The following MIPOL1 variants were observed in gnomAD, a reference collection of about 807,000 sequenced individuals.
The protein encoded by MIPOL1 is mirror-image polydactyly gene 1 protein.
MIPOL1 carries 57 observed loss-of-function variants against 60.9 expected under a neutral mutation model. That is an observed-to-expected ratio of 0.94 (90% CI 0.76 to 1.17). The LOEUF is 1.17. Ranked by LOEUF, MIPOL1 falls within the 50% of genes most tolerant of loss-of-function variation. MIPOL1 has a pLI of 0.00. For missense variants in MIPOL1, 551 were observed against 511.6 expected (o/e 1.08, Z -0.74); for synonymous variants, 179 against 168.8 (o/e 1.06, Z -0.47).
intron 10 of MIPOL1, among the ~76,000 whole-genome samples, chr14:37,378,369 T>A (rs2092833239): frequency 6.6e-6 from 1 of 152,040 alleles, no homozygotes. Flanking sequence ...GATACACCCA[T>A]GACTCAGATG....
chr14:37,434,255 G>A (rs2094126327), intron 11 of MIPOL1, among the ~76,000 whole-genome samples: 1 of 152,088 alleles, frequency 6.6e-6, no homozygotes, highest in South Asian at 2.1e-4. Flanking sequence ...TCTGACTGTG[G>A]TTTTGATTTG....
intron 9 of MIPOL1, among the ~76,000 whole-genome samples, chr14:37,326,119 A>T (rs1411593251): frequency 6.6e-6 from 1 of 152,168 alleles, no homozygotes; most frequent in Non-Finnish European, 1.5e-5. Context: ...ATAAAAAAAC[A>T]TTGTATAATA....
chr14:37,486,884 G>A (rs1022604228), intron 11 of MIPOL1, among the ~76,000 whole-genome samples: 2 of 152,040 alleles, frequency 1.3e-5, no homozygotes, highest in African/African-American at 4.8e-5. Context: ...AATGGGAGTG[G>A]GTATGAGAGG....
chr14:37,426,842 T>C (rs1391335912), intron 11 of MIPOL1, among the ~76,000 whole-genome samples: 1 of 151,732 alleles, frequency 6.6e-6, no homozygotes, highest in African/African-American at 2.4e-5. Flanking sequence ...ACCTGCACAA[T>C]GTGTGATGCA....
chr14:37,546,216 A>G (rs1486607456), intron 12 of MIPOL1, among the ~76,000 whole-genome samples: 1 of 152,172 alleles, frequency 6.6e-6, no homozygotes, highest in Non-Finnish European at 1.5e-5. Flanking sequence ...AACTAAAAAA[A>G]TCATTTTCTT....
At chr14:37,360,153 C>T (rs569997146) in intron 9 of MIPOL1, among the ~76,000 whole-genome samples, 1 of 152,040 alleles carries the variant, frequency 6.6e-6, no homozygotes. Flanking sequence ...ACCAGCCTTG[C>T]ATCCCGGGGA....
intron 1 of MIPOL1, among the ~76,000 whole-genome samples, chr14:37,238,971 A>T (rs1594669623): frequency 6.6e-6 from 1 of 151,198 alleles, no homozygotes; most frequent in Non-Finnish European, 1.5e-5. Context: ...AGTAATATAT[A>T]TATTTATTTT....
chr14:37,211,709 G>A (rs1594475774), intron 1 of MIPOL1, among the ~76,000 whole-genome samples: 3 of 152,044 alleles, frequency 2.0e-5, no homozygotes, highest in Non-Finnish European at 4.4e-5. Context: ...ACTGTGGTTG[G>A]GGGGCATGTG....
chr14:37,540,931 G>T lies in MIPOL1; in HGVS notation c.1263-5974G>T, dbSNP rs1261396169. Among the ~76,000 whole-genome samples the T allele has an allele frequency of 4.6e-5, 7 of 152,020 alleles. 1 individual carries two copies. The highest frequency in any genetic ancestry group is 8.8e-5 in the Non-Finnish European group (6 of 68,020). ...ATCTCTATCATTCTCTATCCCTCTT[G>T]TTCAGTAATTGCTTCTGATCTCCTG... On this transcript the variant is annotated intron_variant, in intron 12 of 12. Coordinates refer to ENST00000684589, the MANE Select transcript of MIPOL1 (RefSeq NM_001388067.1).
intron 1 of MIPOL1, among the ~76,000 whole-genome samples, chr14:37,211,477 A>T (rs968147698): frequency 6.6e-6 from 1 of 152,138 alleles, no homozygotes; most frequent in Non-Finnish European, 1.5e-5. Flanking sequence ...AAGGAAAAGC[A>T]GACCAGACTC....
intron 1 of MIPOL1, among the ~76,000 whole-genome samples, chr14:37,243,376 A>G (rs1440454019): frequency 6.6e-6 from 1 of 152,164 alleles, no homozygotes; most frequent in Non-Finnish European, 1.5e-5. Flanking sequence ...GTATAATAAG[A>G]TGAAAATCCA....
At chr14:37,201,027 C>A (rs1965249388) in intron 1 of MIPOL1, among the ~76,000 whole-genome samples, 1 of 151,206 alleles carries the variant, frequency 6.6e-6, no homozygotes, top group South Asian at 2.1e-4. Context: ...CTCGGCTTCC[C>A]AAGTAGCTAG....
At position 37,509,510 on chromosome 14, in the gene MIPOL1, G is replaced by C. The variant is rs150334898; in HGVS notation, c.1262+9372G>C. ...GCAGGATGAATTATAGAACAGGATA[G>C]ATGACTCTGGGTGCTGGCAAGAGGA... On this transcript the variant is annotated intron_variant, in intron 12 of 12. Coordinates refer to ENST00000684589, the MANE Select transcript of MIPOL1 (RefSeq NM_001388067.1). 1.3e-4 allele frequency among the ~76,000 whole-genome samples: 20 copies of C among 151,974 alleles called. No homozygotes were observed. In the East Asian group the frequency reaches 3.7e-3, roughly 28 times the overall value.
At chr14:37,406,186 A>G (rs2153534570) in intron 10 of MIPOL1, among the ~76,000 whole-genome samples, 1 of 152,228 alleles carries the variant, frequency 6.6e-6, no homozygotes, top group African/African-American at 2.4e-5. Flanking sequence ...CTGCTTCACT[A>G]ACTTTTCATT....
chr14:37,451,709 AG>A (rs1344293394), intron 11 of MIPOL1, among the ~76,000 whole-genome samples: 1 of 152,002 alleles, frequency 6.6e-6, no homozygotes, highest in Non-Finnish European at 1.5e-5. Context: ...ATTATTTTTA[AG>A]GGGGAACCTG....
At chr14:37,535,170 A>G (rs1430787096) in intron 12 of MIPOL1, among the ~76,000 whole-genome samples, 2 of 152,164 alleles carry the variant, frequency 1.3e-5, no homozygotes, top group African/African-American at 2.4e-5. Context: ...ATTAATTGAT[A>G]TGATTGATTG....
intron 3 of MIPOL1, among the ~76,000 whole-genome samples, chr14:37,260,445 A>G (rs2082446953): frequency 6.6e-6 from 1 of 152,116 alleles, no homozygotes. Context: ...CTGTGTAACT[A>G]TTCTCTATTC....
At chr14:37,465,285 A>C (rs938390596) in intron 11 of MIPOL1, among the ~76,000 whole-genome samples, 15 of 152,310 alleles carry the variant, frequency 9.8e-5, no homozygotes, top group South Asian at 6.2e-4. Flanking sequence ...ATACTGAAAT[A>C]ATCTTTAGAC....
intron 10 of MIPOL1, among the ~76,000 whole-genome samples, chr14:37,404,243 T>C (rs968707506): frequency 2.6e-5 from 4 of 152,168 alleles, no homozygotes; most frequent in Non-Finnish European, 5.9e-5. Context: ...ATGAAATGTT[T>C]ACTGCAATGA....
Sources: gnomAD v4.1 joint callset for allele counts (sites outside exome capture counted in the v4.1 genomes callset) on GRCh38, gnomAD v4.1.1 for gene constraint, MANE v1.5 for transcripts, NCBI Gene and HGNC (gene_info 2026-07-23, HGNC 2026-07-21) for gene names.